Variants in CCSER1 observed in about 807,000 individuals in gnomAD.
CCSER1 encodes coiled-coil serine rich protein 1.
A neutral mutation model predicts 82.0 loss-of-function variants in CCSER1; 41 were observed. The ratio of observed to expected loss-of-function variants is 0.50; its 90% CI spans 0.39 to 0.65. The LOEUF (loss-of-function observed/expected upper bound fraction) is 0.65, where lower values mean the gene tolerates loss of function less well. Among genes scored for constraint, CCSER1 ranks in the 30% least tolerant of loss-of-function variants. The pLI is 0.00. For missense variants in CCSER1, 1,119 were observed against 1,064.2 expected, an observed-to-expected ratio of 1.05 and a Z score of -0.72; for synonymous variants, 414 against 383.9, an observed-to-expected ratio of 1.08 and a Z score of -0.92.
chr4:90,730,213 G>A (rs527264002), intron 7 of CCSER1, among the ~76,000 whole-genome samples: 14 of 152,266 alleles, frequency 9.2e-5, no homozygotes, highest in African/African-American at 3.1e-4. Flanking sequence ...CCAAATTGTG[G>A]CATGACCTTC....
At chr4:90,996,099 G>A (rs1737469549) in intron 9 of CCSER1, among the ~76,000 whole-genome samples, 1 of 151,960 alleles carries the variant, frequency 6.6e-6, no homozygotes, top group East Asian at 1.9e-4. Flanking sequence ...GAATATACAA[G>A]GTTAAATAGG....
intron 1 of CCSER1, among the ~76,000 whole-genome samples, chr4:90,197,883 G>C (rs1424822796): frequency 1.3e-5 from 2 of 151,982 alleles, no homozygotes; most frequent in African/African-American, 4.8e-5. Flanking sequence ...ACAACAGGGT[G>C]CTCACAGTCA....
chr4:90,308,097 C>G, intron 1 of CCSER1, 147 bp from the exon 2 acceptor site: 1 of 541,640 alleles, frequency 1.8e-6, no homozygotes, highest in Non-Finnish European at 3.0e-6. Flanking sequence ...TTCAAAAAAT[C>G]TTTATTAGGT....
At chr4:90,140,587 G>T (rs1397338792) in intron 1 of CCSER1, among the ~76,000 whole-genome samples, 1 of 150,856 alleles carries the variant, frequency 6.6e-6, no homozygotes, top group African/African-American at 2.4e-5. Flanking sequence ...ATGTACACAG[G>T]TATGTAGTAA....
At chr4:90,541,305 C>T (rs927578864) in intron 5 of CCSER1, among the ~76,000 whole-genome samples, 5 of 152,136 alleles carry the variant, frequency 3.3e-5, no homozygotes, top group East Asian at 1.9e-4. Context: ...CTCTACCATT[C>T]GCTACTGCTC....
intron 3 of CCSER1, among the ~76,000 whole-genome samples, chr4:90,364,808 C>T (rs932624844): frequency 9.9e-5 from 15 of 151,570 alleles, no homozygotes; most frequent in Non-Finnish European, 3.0e-5. Context: ...GGAGCTCACA[C>T]TGAAAAGAAA....
chr4:90,307,773 TGAGTCG>T (rs1734579380), intron 1 of CCSER1, among the ~76,000 whole-genome samples: 1 of 152,186 alleles, frequency 6.6e-6, no homozygotes, highest in Non-Finnish European at 1.5e-5. Flanking sequence ...AGTAACTTGT[TGAGTCG>T]TGTGGTGTAA....
chr4:90,352,248 C>T (rs1450238882), intron 3 of CCSER1, among the ~76,000 whole-genome samples: 4 of 151,848 alleles, frequency 2.6e-5, no homozygotes, highest in African/African-American at 7.3e-5. Flanking sequence ...GGCGGGAACC[C>T]GGGAGGCCGA....
chr4:90,244,725 G>GC (rs998449064), intron 1 of CCSER1, among the ~76,000 whole-genome samples: 2 of 152,056 alleles, frequency 1.3e-5, no homozygotes, highest in Non-Finnish European at 2.9e-5. Context: ...TGGGGAAACC[G>GC]CCCCCATAAT....
At chr4:91,163,212 T>C (rs1255946871) in intron 10 of CCSER1, among the ~76,000 whole-genome samples, 1 of 152,244 alleles carries the variant, frequency 6.6e-6, no homozygotes, top group African/African-American at 2.4e-5. Flanking sequence ...CAAGAGCAGA[T>C]TGTTCAGTTT....
At chr4:90,788,480 C>T (rs944325220) in intron 7 of CCSER1, among the ~76,000 whole-genome samples, 2 of 152,126 alleles carry the variant, frequency 1.3e-5, no homozygotes, top group Non-Finnish European at 2.9e-5. Flanking sequence ...TATTCTGGAC[C>T]TCAAGCCTGG....
chr4:90,957,471 C>T (rs1418636376), intron 9 of CCSER1, among the ~76,000 whole-genome samples: 3 of 125,960 alleles, frequency 2.4e-5, no homozygotes, highest in African/African-American at 8.9e-5. Flanking sequence ...ATAATATATA[C>T]ATAATTTATA....
chr4:90,981,248 A>G (rs1169787916), intron 9 of CCSER1, among the ~76,000 whole-genome samples: 1 of 151,836 alleles, frequency 6.6e-6, no homozygotes, highest in Non-Finnish European at 1.5e-5. Context: ...ACTATGAAAA[A>G]GTTTAGATAT....
At chr4:90,435,431 A>G (rs748943158) in intron 4 of CCSER1, among the ~76,000 whole-genome samples, 11 of 152,196 alleles carry the variant, frequency 7.2e-5, no homozygotes, top group African/African-American at 1.7e-4. Flanking sequence ...TATAGATCCT[A>G]TGATTATCAT....
At chr4:91,334,757 T>C (rs931557447) in intron 10 of CCSER1, among the ~76,000 whole-genome samples, 1 of 152,124 alleles carries the variant, frequency 6.6e-6, no homozygotes, top group Non-Finnish European at 1.5e-5. Flanking sequence ...TGTGGACGTC[T>C]AGTTGAGTGG....
At chr4:91,523,840 A>G (rs550155232) in intron 10 of CCSER1, among the ~76,000 whole-genome samples, 12 of 151,978 alleles carry the variant, frequency 7.9e-5, no homozygotes, top group South Asian at 2.1e-4. Context: ...GGTTTCATTG[A>G]TTTTTGAAGG....
At chr4:91,362,967 T>C (rs1749348499) in intron 10 of CCSER1, among the ~76,000 whole-genome samples, 1 of 151,716 alleles carries the variant, frequency 6.6e-6, no homozygotes, top group Non-Finnish European at 1.5e-5. Flanking sequence ...CCTTAACATT[T>C]TAAACAAACA....
rs76989904 is a variant in CCSER1 at position 90,830,975 on chromosome 4, C to A, written c.2094+15130C>A. ...GTTAATCTGTAATCATTTCACTCAG[C>A]CTGTATTCCACTTACTGTTCCCAAC... On this transcript the variant is annotated intron_variant, in intron 8 of 10. Transcript: ENST00000509176. Among the ~76,000 whole-genome samples the A allele has an allele frequency of 9.1e-3, 1,386 of 152,200 alleles. 23 individuals are homozygous for A. The highest frequency in any genetic ancestry group is 0.031 in the African/African-American group (1,300 of 41,560).
At chr4:90,913,944 T>G (rs1442103212) in intron 8 of CCSER1, among the ~76,000 whole-genome samples, 1 of 151,996 alleles carries the variant, frequency 6.6e-6, no homozygotes, top group Non-Finnish European at 1.5e-5. Flanking sequence ...GAAGAAGTAA[T>G]TATCCTAAAT....
Sources: allele counts gnomAD v4.1 joint callset (sites outside exome capture counted in the v4.1 genomes callset), GRCh38; gene constraint gnomAD v4.1.1; transcripts MANE v1.5; gene names NCBI Gene and HGNC (gene_info 2026-07-23, HGNC 2026-07-21).